Variants in PSD4 observed in about 807,000 individuals in gnomAD.
PSD4 encodes pleckstrin and Sec7 domain containing 4.
Under a neutral mutation model 112.5 loss-of-function variants are expected in PSD4, and 59 were observed. The observed-to-expected ratio is 0.52, with a 90% CI of 0.43 to 0.65. The LOEUF is 0.65. Among genes scored for constraint, PSD4 ranks in the 30% least tolerant of loss-of-function variants. PSD4 has a pLI of 0.00. For missense variants in PSD4, 1,267 were observed against 1,352.6 expected, an observed-to-expected ratio of 0.94 and a Z score of 0.99; for synonymous variants, 533 against 540.0, an observed-to-expected ratio of 0.99 and a Z score of 0.18.
rs146175607 is a variant in PSD4, at chr2:113,196,013, G to C, written c.2226-134G>C. On this transcript the variant is annotated intron_variant, in intron 11 of 16. Coordinates refer to ENST00000245796, the MANE Select transcript of PSD4 (RefSeq NM_012455.3). ...AGGAATTGATGGGTTCACTGTGAAG[G>C]AGGACTCCTTGTGGGGGGTCCTGGG... 693 of 1,197,504 alleles carry C rather than the reference G, an allele frequency of 5.8e-4. 7 individuals carry two copies. In the African/African-American group the frequency reaches 9.4e-3, roughly 16 times the overall value. The allele number at this position is 1,197,504 out of a possible 1,614,324, so 74.2% of individuals were successfully genotyped here.
intron 1 of PSD4, among the ~76,000 whole-genome samples, chr2:113,178,132 C>T (rs1456601217): frequency 6.6e-6 from 1 of 152,078 alleles, no homozygotes; most frequent in East Asian, 1.9e-4. Flanking sequence ...ACAGGAGAAT[C>T]GCTTGAACCT....
chr2:113,204,642 G>A lies in PSD4; in HGVS notation c.*3227G>A, dbSNP rs1688839305. The A allele has an allele frequency of 6.6e-6, 1 of 152,242 alleles. No individual in the cohort carries two copies. Among genetic ancestry groups the A allele is most frequent in the African/African-American group, 2.4e-5 (1 of 41,432 alleles). 9.4% of individuals were successfully genotyped at this position (152,242 alleles called of 1,614,324 possible). ...GCTTCCAGGGTCCTGGGCCTGCTGT[G>A]ACCCAGGTTGTTACTCCTGATATAA... On this transcript the variant is annotated 3_prime_UTR_variant, in exon 17 of 17. Transcript: ENST00000245796.
At chr2:113,188,902 T>C (rs2104500616) in intron 5 of PSD4, among the ~76,000 whole-genome samples, 1 of 152,350 alleles carries the variant, frequency 6.6e-6, no homozygotes, top group East Asian at 1.9e-4. Flanking sequence ...TTCTTTTCTT[T>C]CTTTTTTATA....
intron 5 of PSD4, among the ~76,000 whole-genome samples, chr2:113,189,271 CAT>C (rs58737733): frequency 3.3e-5 from 5 of 149,458 alleles, no homozygotes; most frequent in South Asian, 2.1e-4. Context: ...AGTATTGAAT[CAT>C]ATATATATAT....
At chr2:113,197,949 T>C (rs984203635) in intron 14 of PSD4, 36 bp downstream of exon 14, 1 of 1,513,046 alleles carries the variant, frequency 6.6e-7, no homozygotes, top group Non-Finnish European at 8.9e-7. Context: ...GGCAAGGCCT[T>C]GCCCTGCCCT....
At chr2:113,185,642 G>T (rs984700523) in intron 4 of PSD4, 1 of 1,547,400 alleles carries the variant, frequency 6.5e-7, no homozygotes, top group South Asian at 1.2e-5. Context: ...ATTTCTTACC[G>T]CTGGGTCTTA....
intron 1 of PSD4, among the ~76,000 whole-genome samples, chr2:113,176,342 A>G (rs1687972746): frequency 6.6e-6 from 1 of 152,234 alleles, no homozygotes; most frequent in Non-Finnish European, 1.5e-5. Context: ...CTAGTCCCTC[A>G]GCCATTGCTT....
At chr2:113,199,888 C>T (rs1268629164) in intron 16 of PSD4, among the ~76,000 whole-genome samples, 1 of 152,178 alleles carries the variant, frequency 6.6e-6, no homozygotes, top group Non-Finnish European at 1.5e-5. Context: ...TGCAGTGGCT[C>T]GATCTCAGCT....
intron 14 of PSD4, chr2:113,198,461 G>A (rs990115498): frequency 2.9e-4 from 102 of 356,972 alleles, no homozygotes; most frequent in Non-Finnish European, 8.0e-5. Flanking sequence ...TAGTAGAGAC[G>A]GGGTTTCACC....
chr2:113,182,564 G>C lies in PSD4; in HGVS notation c.108G>C (p.Thr36=). ...EPHPGECPRE[T]CSHEDPPEPF... ...ACCCAGGAGAGTGCCCAAGGGAAAC[G>C]TGCAGCCATGAGGATCCACCGGAGC... Residue 36 remains threonine, a synonymous_variant, in exon 2 of 17, where the codon ACG becomes ACC. Transcript: ENST00000245796. 1 of 1,614,152 alleles carries C rather than the reference G, an allele frequency of 6.2e-7. No homozygotes were observed. Among genetic ancestry groups the C allele is most frequent in the Non-Finnish European group, 8.5e-7 (1 of 1,180,020 alleles).
rs1179959984 is a variant in PSD4 at position 113,202,363 on chromosome 2, T to G, written c.*948T>G. The G allele has an allele frequency of 6.6e-6, 1 of 152,444 alleles. No homozygotes were observed. Among genetic ancestry groups the G allele is most frequent in the Non-Finnish European group, 1.5e-5 (1 of 68,222 alleles). 9.4% of individuals were successfully genotyped at this position (152,444 alleles called of 1,614,324 possible). A position where few individuals can be genotyped will look rare whatever the true frequency, so the allele number is the denominator to read the frequency against. On this transcript the variant is annotated 3_prime_UTR_variant, in exon 17 of 17. Transcript: ENST00000245796. The stretch of plus-strand genomic sequence containing the variant: ...CAGGAGCCACAGCTCAGGAGAGTTG[T>G]GAGGGATGGGACGGAGGCTGGCGAC...
At position 113,199,087 on chromosome 2, in the gene PSD4, A is replaced by G; in HGVS notation, c.2774A>G (p.Glu925Gly). Residue 925 changes from glutamate (E) to glycine (G), a missense_variant, in exon 16 of 17, where the codon GAG (glutamate) becomes GGG (glycine). By Grantham distance (98) the Glu-to-Gly change is moderately conservative. Around this residue, in one of 2 missense-constraint regions of PSD4, gnomAD observed 544 missense variants for 648.6 expected, o/e 0.84. Transcript: ENST00000245796. ...CTCACCGCCCGCTGCTCGCAGGAGG[A>G]GCAGCATCGATCCCACGAGAACTGC... ...PVGPAQSSLE[E>G]QHRSHENCLD... is the part of the protein sequence containing the mutation. 1 of 1,532,342 alleles carries G rather than the reference A, an allele frequency of 6.5e-7. No homozygotes were observed. The highest frequency in any genetic ancestry group is 8.8e-7 in the Non-Finnish European group (1 of 1,141,914). 94.9% of individuals were successfully genotyped at this position (1,532,342 alleles called of 1,614,324 possible).
At chr2:113,199,912 G>A (rs1016171653) in intron 16 of PSD4, among the ~76,000 whole-genome samples, 4 of 152,114 alleles carry the variant, frequency 2.6e-5, no homozygotes, top group Non-Finnish European at 4.4e-5. Flanking sequence ...TGCAACCTCC[G>A]CCTCCCAGGT....
At chr2:113,199,506 T>C (rs1688717000) in intron 16 of PSD4, among the ~76,000 whole-genome samples, 1 of 152,264 alleles carries the variant, frequency 6.6e-6, no homozygotes, top group African/African-American at 2.4e-5. Context: ...GAAACACCCA[T>C]AGCAGATGTT....
intron 5 of PSD4, among the ~76,000 whole-genome samples, chr2:113,190,703 C>T (rs1482574406): frequency 4.6e-5 from 7 of 152,228 alleles, no homozygotes. Flanking sequence ...AATCCTCCCA[C>T]CTCGGCCTCC....
At chr2:113,198,219 A>G (rs952115893) in intron 14 of PSD4, 2 of 357,618 alleles carry the variant, frequency 5.6e-6, no homozygotes, top group African/African-American at 2.1e-5. Flanking sequence ...ATGATTGACC[A>G]TATCTGGCAT....
Position 113,201,661 on chromosome 2 carries a change from G to A in PSD4, c.*246G>A. The A allele has an allele frequency of 1.8e-6, 1 of 566,300 alleles. No homozygotes were observed. The highest frequency in any genetic ancestry group is 3.1e-6 in the Non-Finnish European group (1 of 322,536). 35.1% of individuals were successfully genotyped at this position (566,300 alleles called of 1,614,324 possible). A position where few individuals can be genotyped will look rare whatever the true frequency, so the allele number is the denominator to read the frequency against. The stretch of plus-strand genomic sequence containing the variant: ...AGCCCCAGTCCCTGGCCACGCCCAA[G>A]GGAAGAGGGAGGTGAGGACTTGACT... On this transcript the variant is annotated 3_prime_UTR_variant, in exon 17 of 17. Transcript: ENST00000245796.
chr2:113,207,659 G>C lies in PSD4; in HGVS notation c.*6244G>C, dbSNP rs1446884044. On this transcript the variant is annotated 3_prime_UTR_variant, in exon 17 of 17. Coordinates refer to ENST00000245796, the MANE Select transcript of PSD4 (RefSeq NM_012455.3). ...TTTTTAGTAGAGACGGGGTTTCACC[G>C]TGTTAGCCAGGATGGTCTCAATCTC... is the stretch of plus-strand genomic sequence containing the variant. 6.6e-6 allele frequency: 1 copy of C among 151,744 alleles called. No homozygotes were observed. Among genetic ancestry groups the C allele is most frequent in the Non-Finnish European group, 1.5e-5 (1 of 68,012 alleles). 9.4% of individuals were successfully genotyped at this position (151,744 alleles called of 1,614,324 possible). A position where few individuals can be genotyped will look rare whatever the true frequency, so the allele number is the denominator to read the frequency against.
rs750830985 is a variant in PSD4, at chr2:113,186,058, A to G, written c.1431A>G (p.Ser477=). The G allele has an allele frequency of 6.8e-6, 11 of 1,614,184 alleles. No individual in the cohort carries two copies. Among genetic ancestry groups the G allele is most frequent in the Non-Finnish European group, 9.3e-6 (11 of 1,179,998 alleles). Residue 477 remains serine (S), a synonymous_variant, in exon 5 of 17, where the codon TCA becomes TCG. Coordinates refer to ENST00000245796, the MANE Select transcript of PSD4 (RefSeq NM_012455.3). ...GCCCGCAGCTTCAACACCACAGCTC[A>G]GGCATTTTGCCCAAGTGGACACTAG... ...EGSPQLQHHS[S]GILPKWTLDA...
Sources: gnomAD v4.1 joint callset for allele counts (sites outside exome capture counted in the v4.1 genomes callset) on GRCh38, gnomAD v4.1.1 for gene constraint, gnomAD v4.1.1 regional missense constraint, MANE v1.5 for transcripts, NCBI Gene and HGNC (gene_info 2026-07-23, HGNC 2026-07-21) for gene names.